Variants in WASF2 observed in about 807,000 individuals in gnomAD.
The protein encoded by WASF2 is WASP family member 2.
WASF2 carries 14 observed loss-of-function variants against 45.0 expected under a neutral mutation model. The observed-to-expected ratio is 0.31, with a 90% confidence interval of 0.21 to 0.49. The LOEUF (loss-of-function observed/expected upper bound fraction) is 0.49, where lower values mean the gene tolerates loss of function less well. WASF2 is among the 20% of genes least tolerant of loss of function. The pLI is 0.99. For synonymous variants in WASF2, 200 were observed against 236.3 expected (o/e 0.85, Z 1.41); for missense variants, 439 against 636.1 (o/e 0.69, Z 3.33).
intron 1 of WASF2, among the ~76,000 whole-genome samples, chr1:27,454,765 T>C (rs1403059435): frequency 1.3e-5 from 2 of 152,242 alleles, no homozygotes; most frequent in Non-Finnish European, 2.9e-5. Context: ...GATTAGTTTA[T>C]GTTGCTATAG....
At chr1:27,412,834 G>A (rs1384045186) in intron 6 of WASF2, 107 bp from the exon 7 acceptor site, 15 of 1,275,958 alleles carry the variant, frequency 1.2e-5, no homozygotes, top group Non-Finnish European at 1.7e-5. Context: ...CTATTAGGGA[G>A]AAGTAAAATA....
intron 1 of WASF2, chr1:27,459,656 TA>T (rs1259063745): frequency 2.6e-5 from 4 of 152,208 alleles, no homozygotes; most frequent in Admixed American, 6.5e-5. Flanking sequence ...AAAGTCATTT[TA>T]GTGGTTTAAA....
chr1:27,487,888 G>A (rs560118357), intron 1 of WASF2, among the ~76,000 whole-genome samples: 106 of 149,288 alleles, frequency 7.1e-4, no homozygotes, highest in Middle Eastern at 3.4e-3. Context: ...AAAATGCTCT[G>A]ATTTTTAAAC....
chr1:27,440,352 C>T (rs138023821), intron 1 of WASF2, among the ~76,000 whole-genome samples: 100 of 152,126 alleles, frequency 6.6e-4, no homozygotes, highest in African/African-American at 2.3e-3. Flanking sequence ...GGAGAAATCC[C>T]GTCTACAAAA....
chr1:27,469,166 TATG>T (rs1258205667), intron 1 of WASF2, among the ~76,000 whole-genome samples: 1 of 152,172 alleles, frequency 6.6e-6, no homozygotes, highest in African/African-American at 2.4e-5. Context: ...ATTTAAATGA[TATG>T]ATGTCTGGGA....
intron 1 of WASF2, among the ~76,000 whole-genome samples, chr1:27,455,443 T>C (rs543084572): frequency 4.7e-4 from 71 of 152,228 alleles, no homozygotes; most frequent in African/African-American, 1.6e-3. Context: ...AAAATTTTTA[T>C]CTGAGAATTG....
intron 2 of WASF2, among the ~76,000 whole-genome samples, chr1:27,423,145 A>G (rs2016931903): frequency 6.6e-6 from 1 of 151,688 alleles, no homozygotes; most frequent in African/African-American, 2.4e-5. Context: ...CATCTCAAAA[A>G]AAAAAAAAAA....
intron 1 of WASF2, among the ~76,000 whole-genome samples, chr1:27,472,670 A>G (rs950887193): frequency 6.9e-6 from 1 of 145,460 alleles, no homozygotes; most frequent in South Asian, 2.2e-4. Flanking sequence ...AAAAAAAAAA[A>G]AAAAGGGGAA....
At chr1:27,475,996 C>T (rs1393115771) in intron 1 of WASF2, among the ~76,000 whole-genome samples, 1 of 152,158 alleles carries the variant, frequency 6.6e-6, no homozygotes, top group African/African-American at 2.4e-5. Flanking sequence ...AGAGCATGCA[C>T]CTTGTTTCTT....
At chr1:27,473,096 C>T (rs577153242) in intron 1 of WASF2, among the ~76,000 whole-genome samples, 2 of 151,692 alleles carry the variant, frequency 1.3e-5, no homozygotes, top group Admixed American at 6.6e-5. Context: ...TATCTGATAA[C>T]CTGTATCCGG....
At chr1:27,454,153 G>GTGTATATA (rs2017427664) in intron 1 of WASF2, among the ~76,000 whole-genome samples, 1 of 98,722 alleles carries the variant, frequency 1.0e-5, no homozygotes. Flanking sequence ...GTGTGTGTGT[G>GTGTATATA]TATATATATA....
chr1:27,460,958 G>A (rs1033160785), intron 1 of WASF2, among the ~76,000 whole-genome samples: 1 of 152,082 alleles, frequency 6.6e-6, no homozygotes, highest in African/African-American at 2.4e-5. Flanking sequence ...CTAACACAGT[G>A]AAACTCTGAA....
intron 1 of WASF2, among the ~76,000 whole-genome samples, chr1:27,485,947 T>C (rs551548518): frequency 2.6e-5 from 4 of 152,332 alleles, no homozygotes; most frequent in African/African-American, 7.2e-5. Context: ...CCTGACCTTG[T>C]GATCTGCCCG....
chr1:27,479,285 CA>C (rs58480366), intron 1 of WASF2, among the ~76,000 whole-genome samples: 25,696 of 138,828 alleles, frequency 0.19, 2,998 homozygotes, highest in East Asian at 0.39. Flanking sequence ...GACTCCATCT[CA>C]AAAAAAAAAA....
At position 27,412,681 on chromosome 1, in the gene WASF2, C is replaced by T. The variant is rs2016779999; in HGVS notation, c.715G>A (p.Glu239Lys). The change falls in exon 7 of 9, where the codon GAA (glutamate) becomes AAA (lysine). Residue 239 changes from glutamate to lysine, a missense_variant. Glu to Lys is a moderately conservative substitution (Grantham distance 56). Around this residue, in one of 5 missense-constraint regions of WASF2, gnomAD observed 286 missense variants for 373.5 expected, o/e 0.77. Coordinates refer to ENST00000618852, the MANE Select transcript of WASF2 (RefSeq NM_006990.5). ...GGATAGCTACTTGCATCCACGTTTTCAACACAGCCAATGCTGCCATTCTGG... is the reference window on the plus strand; with the variant it reads ...GGATAGCTACTTGCATCCACGTTTTTAACACAGCCAATGCTGCCATTCTGG... ...VYQNGSIGCVENVDASSYPPP... is the reference protein window; with the variant it reads ...VYQNGSIGCVKNVDASSYPPP... 1 of 1,614,192 alleles carries T rather than the reference C, an allele frequency of 6.2e-7. No homozygotes were observed. Among genetic ancestry groups the T allele is most frequent in the Non-Finnish European group, 8.5e-7 (1 of 1,180,034 alleles).
chr1:27,437,306 A>C (rs1046655662), intron 1 of WASF2, among the ~76,000 whole-genome samples: 1 of 152,204 alleles, frequency 6.6e-6, no homozygotes, highest in African/African-American at 2.4e-5. Context: ...TGTCCAAAAG[A>C]AAATACATTT....
intron 1 of WASF2, among the ~76,000 whole-genome samples, chr1:27,463,759 G>T (rs928008546): frequency 6.6e-6 from 1 of 150,406 alleles, no homozygotes; most frequent in African/African-American, 2.4e-5. Flanking sequence ...TCCTGCTTCT[G>T]ATCATTAGTA....
rs137866068 is a variant in WASF2 at position 27,451,635 on chromosome 1, GGAGT to G, written c.-43-22706_-43-22703del. Among the ~76,000 whole-genome samples, 1,376 of 152,274 alleles carry G rather than the reference GGAGT, an allele frequency of 9.0e-3. 27 individuals are homozygous for G. The highest frequency in any genetic ancestry group is 0.032 in the African/African-American group (1,315 of 41,546). On this transcript the variant is annotated intron_variant, in intron 1 of 8. Coordinates refer to ENST00000618852, the MANE Select transcript of WASF2 (RefSeq NM_006990.5). Reference sequence around the variant, plus strand: ...CAGTATGGAGAATGTACTACATGAGGGAGTGAAAGACTAAGGCAGAAGTCCAAGT... The same window carrying G: ...CAGTATGGAGAATGTACTACATGAGGGAAAGACTAAGGCAGAAGTCCAAGT...
intron 1 of WASF2, among the ~76,000 whole-genome samples, chr1:27,437,197 A>G (rs2017149604): frequency 6.6e-6 from 1 of 152,214 alleles, no homozygotes; most frequent in Admixed American, 6.5e-5. Context: ...GAATCTCTTT[A>G]ACCTTCAAAA....
Sources: allele counts gnomAD v4.1 joint callset (sites outside exome capture counted in the v4.1 genomes callset), GRCh38; gene constraint gnomAD v4.1.1; regional missense constraint gnomAD v4.1.1; transcripts MANE v1.5; gene names NCBI Gene and HGNC (gene_info 2026-07-23, HGNC 2026-07-21).